The following GANC variants were observed in gnomAD, a reference collection of about 807,000 sequenced individuals.
GANC encodes neutral alpha-glucosidase C.
Under a neutral mutation model 124.2 loss-of-function variants are expected in GANC, and 117 were observed. That is an observed-to-expected ratio of 0.94 (90% CI 0.81 to 1.10). GANC has a LOEUF of 1.10. Ranked by LOEUF, GANC falls within the 50% of genes least tolerant of loss-of-function variation. The pLI, the probability that GANC is intolerant of heterozygous loss-of-function variation, is 0.00. For missense variants in GANC, 1,140 were observed against 1,095.0 expected, an observed-to-expected ratio of 1.04 and a Z score of -0.58; for synonymous variants, 377 against 376.8, an observed-to-expected ratio of 1.00 and a Z score of -0.01.
intron 3 of GANC, chr15:42,283,758 A>G (rs2412688): frequency 0.047 from 32,999 of 702,508 alleles, 2,289 homozygotes; most frequent in Admixed American, 0.21. Flanking sequence ...CCACCTTCTC[A>G]GCAGATAAGG....
intron 3 of GANC, chr15:42,283,719 C>T: frequency 4.3e-6 from 3 of 702,514 alleles, no homozygotes; most frequent in Non-Finnish European, 7.8e-6. Flanking sequence ...TCATCTAAGC[C>T]TAATGAAAAT....
chr15:42,340,543 G>T, intron 17 of GANC, 147 bp from the exon 18 acceptor site: 1 of 603,130 alleles, frequency 1.7e-6, no homozygotes, highest in Non-Finnish European at 2.8e-6. Flanking sequence ...GGCGGAAACT[G>T]CAGTGAGCCA....
intron 13 of GANC, among the ~76,000 whole-genome samples, chr15:42,328,519 AAAC>A (rs1036040327): frequency 5.5e-4 from 84 of 152,112 alleles, no homozygotes; most frequent in Non-Finnish European, 9.3e-4. Context: ...AAAAAAAAAA[AAAC>A]AAGCCACCTC....
chr15:42,292,650 C>CTAAT, intron 4 of GANC, 85 bp from the exon 5 acceptor site: 1 of 1,288,266 alleles, frequency 7.8e-7, no homozygotes, highest in Non-Finnish European at 1.1e-6. Flanking sequence ...TATTGATTTA[C>CTAAT]TAATTAATTA....
chr15:42,273,403 A>T lies in GANC; in HGVS notation c.-1079A>T. 1 of 1,613,888 alleles carries T rather than the reference A, an allele frequency of 6.2e-7. No individual in the cohort carries two copies. On this transcript the variant is annotated 5_prime_UTR_variant, in exon 1 of 24. Transcript: ENST00000318010. ...AAGCCACGCAGCCGCCGCCATCTTC[A>T]CAGCCGTGGAGTGCCTACCGAAAGC... is the stretch of plus-strand genomic sequence containing the variant.
intron 6 of GANC, among the ~76,000 whole-genome samples, chr15:42,302,516 A>G (rs568791114): frequency 6.6e-6 from 1 of 152,318 alleles, no homozygotes; most frequent in East Asian, 1.9e-4. Context: ...ACAAATTGAC[A>G]GAAAGTAGGC....
chr15:42,351,470 T>A (rs550345145), intron 23 of GANC, 38 bp downstream of exon 23: 1 of 1,427,020 alleles, frequency 7.0e-7, no homozygotes, highest in Non-Finnish European at 9.9e-7. Flanking sequence ...CCATTTGTTT[T>A]TATAAACAGA....
At chr15:42,317,549 T>C (rs2052118395) in intron 10 of GANC, among the ~76,000 whole-genome samples, 1 of 152,208 alleles carries the variant, frequency 6.6e-6, no homozygotes, top group Non-Finnish European at 1.5e-5. Context: ...ATGGCAAATT[T>C]TGCTATATAT....
At chr15:42,296,456 A>G (rs7176663) in intron 5 of GANC, among the ~76,000 whole-genome samples, 146,393 of 152,168 alleles carry the variant, frequency 0.96, 70,619 homozygotes, top group Non-Finnish European at 1. Context: ...GTGCGATCTC[A>G]GCTCACTGCA....
chr15:42,353,570 G>A lies in GANC; in HGVS notation c.*1431G>A, dbSNP rs3743006. 162,988 of 983,850 alleles carry A rather than the reference G, an allele frequency of 0.17. 18,460 individuals are homozygous for A. Among genetic ancestry groups the A allele is most frequent in the African/African-American group, 0.53 (30,169 of 57,132 alleles). The allele number at this position is 983,850 out of a possible 1,614,324, so 60.9% of individuals were successfully genotyped here. A position where few individuals can be genotyped will look rare whatever the true frequency, so the allele number is the denominator to read the frequency against. On this transcript the variant is annotated 3_prime_UTR_variant, in exon 24 of 24. Coordinates refer to ENST00000318010, the MANE Select transcript of GANC (RefSeq NM_198141.3). ...CAAGAGCATGTTCTGTTTCTCTTCT[G>A]TCTGACAGAGCACTATTATACCTGA...
chr15:42,308,154 G>T, intron 7 of GANC, 68 bp from the exon 8 acceptor site: 1 of 993,920 alleles, frequency 1.0e-6, no homozygotes, highest in Middle Eastern at 2.2e-4. Context: ...TCTGCACTCA[G>T]AATTAACTGA....
intron 10 of GANC, among the ~76,000 whole-genome samples, chr15:42,319,966 C>G (rs1406078550): frequency 6.6e-6 from 1 of 152,084 alleles, no homozygotes; most frequent in African/African-American, 2.4e-5. Context: ...GGGCGATCAC[C>G]TAATGTCGGG....
chr15:42,333,826 T>G (rs528925588), intron 15 of GANC, among the ~76,000 whole-genome samples: 3 of 152,326 alleles, frequency 2.0e-5, no homozygotes, highest in African/African-American at 7.2e-5. Context: ...CTTTAAGGCC[T>G]GTAACACTTC....
chr15:42,324,741 G>A (rs1000602112), intron 11 of GANC, among the ~76,000 whole-genome samples: 9 of 152,204 alleles, frequency 5.9e-5, no homozygotes, highest in Non-Finnish European at 1.2e-4. Flanking sequence ...AGTAATTGGA[G>A]TAGTCATATT....
chr15:42,343,267 T>A, intron 19 of GANC, 113 bp downstream of exon 19: 1 of 831,412 alleles, frequency 1.2e-6, no homozygotes, highest in Non-Finnish European at 2.0e-6. Flanking sequence ...CAGATGACTA[T>A]AGCAAGTAAT....
At position 42,284,371 on chromosome 15, in the gene GANC, G is replaced by C. The variant is rs577849665; in HGVS notation, c.202-3320G>C. ...CCACCATGATGTTTACAAAATATCT[G>C]GTATTTTCGCCTATATGGCCATTAA... On this transcript the variant is annotated intron_variant, in intron 3 of 23. Transcript: ENST00000318010. 1.1e-3 allele frequency: 199 copies of C among 189,228 alleles called. 1 individual carries two copies. The highest frequency in any genetic ancestry group is 2.1e-3 in the Middle Eastern group (1 of 470). 11.7% of individuals were successfully genotyped at this position (189,228 alleles called of 1,614,324 possible). A position where few individuals can be genotyped will look rare whatever the true frequency, so the allele number is the denominator to read the frequency against.
At chr15:42,292,686 C>A in intron 4 of GANC, 49 bp from the exon 5 acceptor site, 1 of 1,541,958 alleles carries the variant, frequency 6.5e-7, no homozygotes, top group Non-Finnish European at 8.9e-7. Context: ...CACATAGGGC[C>A]ATGTAAACCT....
intron 19 of GANC, 190 bp downstream of exon 19, chr15:42,343,344 A>G (rs1034622384): frequency 5.4e-5 from 31 of 570,650 alleles, no homozygotes; most frequent in Admixed American, 1.2e-4. Flanking sequence ...GGAGGGAGAA[A>G]GATGAATTGG....
chr15:42,294,605 C>A (rs1052774782), intron 5 of GANC, among the ~76,000 whole-genome samples: 2 of 147,522 alleles, frequency 1.4e-5, no homozygotes, highest in Non-Finnish European at 3.0e-5. Flanking sequence ...TAATGTGTTT[C>A]CAGTTTTTTG....
Sources: gnomAD v4.1 joint callset for allele counts (sites outside exome capture counted in the v4.1 genomes callset) on GRCh38, gnomAD v4.1.1 for gene constraint, MANE v1.5 for transcripts, NCBI Gene and HGNC (gene_info 2026-07-23, HGNC 2026-07-21) for gene names.